ANKRD36C: variants seen among roughly 807,000 people sequenced by gnomAD.
The protein encoded by ANKRD36C is ankyrin repeat domain-containing protein 36C.
ANKRD36C carries 61 observed loss-of-function variants against 276.4 expected under a neutral mutation model. The observed-to-expected ratio is 0.22, with a 90% CI of 0.18 to 0.27. The LOEUF (loss-of-function observed/expected upper bound fraction) is 0.27. ANKRD36C is among the 10% of genes least tolerant of loss of function. ANKRD36C has a pLI of 1.00. For synonymous variants in ANKRD36C, 483 were observed against 680.1 expected, an observed-to-expected ratio of 0.71 and a Z score of 4.51; for missense variants, 1,447 against 2,032.3, an observed-to-expected ratio of 0.71 and a Z score of 5.54.
chr2:95,954,116 C>T, intron 13 of ANKRD36C, 111 bp from the exon 14 acceptor site: 1 of 1,289,378 alleles, frequency 7.8e-7, no homozygotes, highest in Admixed American at 2.5e-5. Flanking sequence ...AAAACAAAGT[C>T]TGAGGAAACT....
intron 38 of ANKRD36C, among the ~76,000 whole-genome samples, chr2:95,914,676 T>A (rs1490484925): frequency 2.6e-5 from 4 of 151,428 alleles, no homozygotes; most frequent in African/African-American, 9.7e-5. Flanking sequence ...CCACATGTCT[T>A]TCACACAGGA....
At chr2:95,851,219 A>C (rs2104231821) in intron 66 of ANKRD36C, 24 bp from the exon 87 acceptor site, 1 of 1,486,814 alleles carries the variant, frequency 6.7e-7, no homozygotes, top group Non-Finnish European at 9.2e-7. Context: ...AATATTACTT[A>C]TAATGTTTCA....
rs531236721 is a variant in ANKRD36C, at chr2:95,930,868, C to T, written c.1736-1601G>A. 2.6e-5 allele frequency among the ~76,000 whole-genome samples: 4 copies of T among 151,480 alleles called. No individual in the cohort carries two copies. In the East Asian group the frequency reaches 7.8e-4, roughly 30 times the overall value. On this transcript the variant is annotated intron_variant, in intron 24 of 66. Transcript: ENST00000456556. ...AATCTGATGTGAACGAAGCATGTAT[C>T]ATTGATGTGCAAAACTTCTAGGGAG...
intron 1 of ANKRD36C, among the ~76,000 whole-genome samples, chr2:95,988,912 A>C (rs1355296070): frequency 6.6e-6 from 1 of 152,196 alleles, no homozygotes. Context: ...TCACACCTGT[A>C]ATCCCAGAAC....
At chr2:95,921,041 C>T (rs1359538246) in intron 34 of ANKRD36C, among the ~76,000 whole-genome samples, 2 of 150,432 alleles carry the variant, frequency 1.3e-5, no homozygotes, top group Non-Finnish European at 3.0e-5. Context: ...GGCACATATT[C>T]CAAATGCATG....
At chr2:95,910,553 G>C in intron 42 of ANKRD36C, 1 of 1,606,440 alleles carries the variant, frequency 6.2e-7, no homozygotes, top group South Asian at 1.1e-5. Flanking sequence ...CAAGGCTGGT[G>C]GTTTCTGAGA....
rs192828908 is a variant in ANKRD36C, at chr2:95,893,127, C to T, written c.2756-1267G>A. Among the ~76,000 whole-genome samples, 176 of 151,508 alleles carry T rather than the reference C, an allele frequency of 1.2e-3. 2 individuals are homozygous for T. The highest frequency in any genetic ancestry group is 4.0e-3 in the African/African-American group (167 of 41,444). On this transcript the variant is annotated intron_variant, in intron 44 of 66. Transcript: ENST00000456556. Reference sequence around the variant, plus strand: ...TGCTACACCAGGGGTCTCCTTAGTTCTCCTACAGTGTGTACGGGTTATTAC... The same window carrying T: ...TGCTACACCAGGGGTCTCCTTAGTTTTCCTACAGTGTGTACGGGTTATTAC...
chr2:95,933,318 A>G (rs978508148), intron 24 of ANKRD36C, among the ~76,000 whole-genome samples: 1 of 152,298 alleles, frequency 6.6e-6, no homozygotes, highest in African/African-American at 2.4e-5. Flanking sequence ...AATTCTGTGA[A>G]GAAAGTCAAT....
At chr2:95,868,207 C>T (rs1341738837) in intron 59 of ANKRD36C, among the ~76,000 whole-genome samples, 1 of 152,048 alleles carries the variant, frequency 6.6e-6, no homozygotes, top group Non-Finnish European at 1.5e-5. Flanking sequence ...CTTATTTGCA[C>T]TACAGTTGTC....
chr2:95,912,220 A>G, intron 42 of ANKRD36C, 24 bp downstream of exon 44: 1 of 1,543,724 alleles, frequency 6.5e-7, no homozygotes, highest in South Asian at 1.2e-5. Context: ...TGCACATGAC[A>G]TTAAATGTGT....
intron 42 of ANKRD36C, among the ~76,000 whole-genome samples, chr2:95,911,860 T>C (rs940010853): frequency 3.3e-5 from 5 of 151,486 alleles, no homozygotes; most frequent in African/African-American, 1.2e-4. Context: ...CTATGGGTTA[T>C]TATGAACAGC....
intron 44 of ANKRD36C, among the ~76,000 whole-genome samples, chr2:95,892,229 T>C (rs531316736): frequency 2.0e-5 from 3 of 151,626 alleles, no homozygotes; most frequent in Admixed American, 1.3e-4. Flanking sequence ...ATCCCACATG[T>C]CTTTCATGCA....
chr2:95,989,773 T>G (rs1286435232), intron 1 of ANKRD36C, among the ~76,000 whole-genome samples: 1 of 152,232 alleles, frequency 6.6e-6, no homozygotes, highest in Non-Finnish European at 1.5e-5. Context: ...CAGCAGTATA[T>G]GTACTGCTAC....
At chr2:95,943,398 T>A (rs1477546584) in intron 19 of ANKRD36C, among the ~76,000 whole-genome samples, 1 of 150,572 alleles carries the variant, frequency 6.6e-6, no homozygotes, top group South Asian at 2.1e-4. Flanking sequence ...GGCAGGAGAA[T>A]GGCGTGAACC....
chr2:95,950,318 G>T (rs1177393698), intron 16 of ANKRD36C, among the ~76,000 whole-genome samples: 2 of 151,906 alleles, frequency 1.3e-5, no homozygotes, highest in Non-Finnish European at 1.5e-5. Context: ...ACAAACTTTT[G>T]GAGTAGCCAG....
At chr2:95,952,519 G>A (rs543664584) in intron 14 of ANKRD36C, among the ~76,000 whole-genome samples, 14 of 152,136 alleles carry the variant, frequency 9.2e-5, no homozygotes, top group Admixed American at 2.0e-4. Context: ...GAACATGATT[G>A]GGGCTTTAAA....
At chr2:95,915,621 T>TA (rs1677069523) in intron 38 of ANKRD36C, among the ~76,000 whole-genome samples, 1 of 151,502 alleles carries the variant, frequency 6.6e-6, no homozygotes, top group Non-Finnish European at 1.5e-5. Flanking sequence ...TGTCTGTTTT[T>TA]AGCCCTATGA....
intron 59 of ANKRD36C, among the ~76,000 whole-genome samples, chr2:95,871,776 C>G (rs1244064705): frequency 6.6e-6 from 1 of 151,832 alleles, no homozygotes; most frequent in Non-Finnish European, 1.5e-5. Context: ...AAACCCATCT[C>G]ACGTGCAGAG....
intron 59 of ANKRD36C, among the ~76,000 whole-genome samples, chr2:95,871,741 G>C (rs1321723381): frequency 1.3e-5 from 2 of 152,086 alleles, no homozygotes; most frequent in Non-Finnish European, 2.9e-5. Flanking sequence ...AAAGAGTCAA[G>C]ATCCATCAGT....
Sources: gnomAD v4.1 joint callset for allele counts (sites outside exome capture counted in the v4.1 genomes callset) on GRCh38, gnomAD v4.1.1 for gene constraint, MANE v1.5 for transcripts, NCBI Gene and HGNC (gene_info 2026-07-23, HGNC 2026-07-21) for gene names.